The following TNR variants were observed in gnomAD, a reference collection of about 807,000 sequenced individuals.
The protein encoded by TNR is tenascin-R.
In TNR, 45 loss-of-function variants were observed where a neutral mutation model predicts 150.4. The observed-to-expected ratio is 0.30, with a 90% CI of 0.24 to 0.38. The LOEUF (loss-of-function observed/expected upper bound fraction) is 0.38. TNR is among the 10% of genes least tolerant of loss of function. The pLI, the probability that TNR is intolerant of heterozygous loss-of-function variation, is 1.00. For synonymous variants in TNR, 687 were observed against 678.4 expected (o/e 1.01, Z -0.20); for missense variants, 1,544 against 1,759.1 (o/e 0.88, Z 2.19).
At chr1:175,588,188 T>C (rs564137117) in intron 1 of TNR, among the ~76,000 whole-genome samples, 2 of 152,346 alleles carry the variant, frequency 1.3e-5, no homozygotes, top group South Asian at 4.1e-4. Flanking sequence ...AACCGCTTAA[T>C]GGCAACAGAG....
At chr1:175,594,665 G>A (rs879442518) in intron 1 of TNR, among the ~76,000 whole-genome samples, 18 of 151,312 alleles carry the variant, frequency 1.2e-4, no homozygotes, top group Non-Finnish European at 1.8e-4. Flanking sequence ...GACCAGCCTG[G>A]GCAACACAGC....
At chr1:175,394,520 C>T (rs1455571792) in intron 5 of TNR, among the ~76,000 whole-genome samples, 1 of 152,194 alleles carries the variant, frequency 6.6e-6, no homozygotes, top group Non-Finnish European at 1.5e-5. Context: ...CCTCCCACCA[C>T]CCCTTCTCCC....
At chr1:175,452,581 G>C (rs1656375498) in intron 2 of TNR, among the ~76,000 whole-genome samples, 1 of 152,228 alleles carries the variant, frequency 6.6e-6, no homozygotes, top group South Asian at 2.1e-4. Flanking sequence ...GCTGGGCAGA[G>C]GCTCACATGG....
At chr1:175,323,916 T>C (rs1325881173) in intron 22 of TNR, among the ~76,000 whole-genome samples, 3 of 152,220 alleles carry the variant, frequency 2.0e-5, no homozygotes, top group Non-Finnish European at 4.4e-5. Flanking sequence ...GTGGGCTGTT[T>C]CAGTGTTAAC....
Position 175,628,503 on chromosome 1 carries a change from G to A in TNR, c.-164-100134C>T, listed in dbSNP as rs139723241. ...ACATTGTGCACGTGTACCCTAAAAC[G>A]TAAAGTATAATAATAATAAAATTAA... On this transcript the variant is annotated intron_variant, in intron 1 of 22. Coordinates refer to ENST00000367674, the MANE Select transcript of TNR (RefSeq NM_003285.3). Among the ~76,000 whole-genome samples the A allele has an allele frequency of 3.4e-4, 52 of 150,762 alleles. 1 individual carries two copies. The highest frequency in any genetic ancestry group is 8.3e-4 in the African/African-American group (34 of 40,804).
chr1:175,628,707 G>T (rs1422316123), intron 1 of TNR, among the ~76,000 whole-genome samples: 1 of 152,076 alleles, frequency 6.6e-6, no homozygotes, highest in Non-Finnish European at 1.5e-5. Flanking sequence ...AGCAGAGAAA[G>T]AATGAAGAAG....
chr1:175,509,453 C>T (rs1659081051), intron 2 of TNR, among the ~76,000 whole-genome samples: 1 of 152,152 alleles, frequency 6.6e-6, no homozygotes, highest in Non-Finnish European at 1.5e-5. Context: ...TTTTCTCCTG[C>T]CTCCTGATTT....
intron 1 of TNR, among the ~76,000 whole-genome samples, chr1:175,676,519 G>C (rs900282768): frequency 1.3e-5 from 2 of 152,118 alleles, no homozygotes; most frequent in Non-Finnish European, 2.9e-5. Context: ...GGGACAGCTG[G>C]CAGAACTCTC....
intron 2 of TNR, among the ~76,000 whole-genome samples, chr1:175,481,510 A>G (rs1252164203): frequency 1.3e-5 from 2 of 152,070 alleles, no homozygotes; most frequent in Non-Finnish European, 2.9e-5. Context: ...CTGCTTGGAG[A>G]GGACAGGACA....
chr1:175,696,358 G>A (rs963270218), intron 1 of TNR, among the ~76,000 whole-genome samples: 3 of 151,468 alleles, frequency 2.0e-5, no homozygotes, highest in Non-Finnish European at 4.4e-5. Flanking sequence ...GATACAATTA[G>A]AGAGGTTTAA....
intron 1 of TNR, among the ~76,000 whole-genome samples, chr1:175,647,593 T>A (rs139911372): frequency 6.6e-6 from 1 of 152,076 alleles, no homozygotes; most frequent in Non-Finnish European, 1.5e-5. Flanking sequence ...GGGAAGGAGA[T>A]AACAAGTAGT....
At chr1:175,673,503 T>C (rs994238663) in intron 1 of TNR, among the ~76,000 whole-genome samples, 2 of 152,304 alleles carry the variant, frequency 1.3e-5, no homozygotes, top group Non-Finnish European at 2.9e-5. Flanking sequence ...GGGGCAAGCA[T>C]ATGTAGGGTG....
chr1:175,407,764 C>G (rs988601124), intron 2 of TNR, among the ~76,000 whole-genome samples: 1 of 152,084 alleles, frequency 6.6e-6, no homozygotes, highest in African/African-American at 2.4e-5. Context: ...CTCAGGACAA[C>G]CTTATGATGG....
In TNR at chr1:175,639,803, C is replaced by G. The variant is rs182666342; in HGVS notation, c.-165+103423G>C. On this transcript the variant is annotated intron_variant, in intron 1 of 22. Transcript: ENST00000367674. ...AATTTTGAATTTCCTCTTCCTTCAGCGTGGAATGCTCTTCTCCTAGATATT... is the reference window on the plus strand; with the variant it reads ...AATTTTGAATTTCCTCTTCCTTCAGGGTGGAATGCTCTTCTCCTAGATATT... 8.1e-4 allele frequency among the ~76,000 whole-genome samples: 123 copies of G among 152,284 alleles called. 1 individual carries two copies. The highest frequency in any genetic ancestry group is 2.8e-3 in the African/African-American group (116 of 41,566).
intron 2 of TNR, among the ~76,000 whole-genome samples, chr1:175,431,496 C>G (rs1377838905): frequency 1.3e-5 from 2 of 152,162 alleles, no homozygotes; most frequent in African/African-American, 4.8e-5. Flanking sequence ...CACCTTTTTC[C>G]TCTTCTCTCC....
At chr1:175,741,974 A>G (rs999826338) in intron 1 of TNR, among the ~76,000 whole-genome samples, 2 of 152,208 alleles carry the variant, frequency 1.3e-5, no homozygotes, top group Middle Eastern at 3.2e-3. Context: ...CTCCTACAAG[A>G]AGCCACATCT....
At chr1:175,657,784 G>A in intron 1 of TNR, among the ~76,000 whole-genome samples, 1 of 76,872 alleles carries the variant, frequency 1.3e-5, no homozygotes. Flanking sequence ...GTGGGGGGAG[G>A]GATAGCATTA....
intron 1 of TNR, among the ~76,000 whole-genome samples, chr1:175,615,051 TG>T (rs1394322126): frequency 6.6e-6 from 1 of 152,152 alleles, no homozygotes; most frequent in African/African-American, 2.4e-5. Context: ...GCTTTCTTCC[TG>T]AGGGAGGAAG....
In TNR at chr1:175,602,921, T is replaced by G. The variant is rs139357004; in HGVS notation, c.-164-74552A>C. On this transcript the variant is annotated intron_variant, in intron 1 of 22. Coordinates refer to ENST00000367674, the MANE Select transcript of TNR (RefSeq NM_003285.3). ...TACTAATTTTCCCTGTAATATATTT[T>G]TATTCAACTTATTTTTTCTTTGTCT... 4.1e-3 allele frequency among the ~76,000 whole-genome samples: 627 copies of G among 152,354 alleles called. 4 individuals carry two copies. The highest frequency in any genetic ancestry group is 0.014 in the African/African-American group (595 of 41,582).
Sources: allele counts gnomAD v4.1 joint callset (sites outside exome capture counted in the v4.1 genomes callset), GRCh38; gene constraint gnomAD v4.1.1; transcripts MANE v1.5; gene names NCBI Gene and HGNC (gene_info 2026-07-23, HGNC 2026-07-21).